PTPRM: variants seen among roughly 807,000 people sequenced by gnomAD.
PTPRM encodes receptor-type tyrosine-protein phosphatase mu.
PTPRM carries 47 observed loss-of-function variants against 186.7 expected under a neutral mutation model. The ratio of observed to expected loss-of-function variants is 0.25; its 90% CI spans 0.20 to 0.32. PTPRM has a LOEUF of 0.32. PTPRM is among the 10% of genes least tolerant of loss of function. The pLI, the probability that PTPRM is intolerant of heterozygous loss-of-function variation, is 1.00. For synonymous variants in PTPRM, 668 were observed against 674.9 expected (o/e 0.99, Z 0.16); for missense variants, 1,494 against 1,865.0 (o/e 0.80, Z 3.66).
At chr18:7,662,329 G>A (rs1435989549) in intron 1 of PTPRM, among the ~76,000 whole-genome samples, 1 of 152,192 alleles carries the variant, frequency 6.6e-6, no homozygotes, top group African/African-American at 2.4e-5. Flanking sequence ...ATCAAGAGAT[G>A]AATGGATAAA....
At chr18:8,394,014 G>A (rs554031178) in intron 31 of PTPRM, among the ~76,000 whole-genome samples, 18 of 152,094 alleles carry the variant, frequency 1.2e-4, no homozygotes, top group Non-Finnish European at 2.2e-4. Flanking sequence ...GGAAGGTCTC[G>A]ATCTCCTGAC....
intron 21 of PTPRM, among the ~76,000 whole-genome samples, chr18:8,315,502 T>A (rs1359889234): frequency 6.6e-6 from 1 of 152,216 alleles, no homozygotes; most frequent in Non-Finnish European, 1.5e-5. Context: ...GACAGCATGT[T>A]TTCAGTTGAA....
chr18:8,010,734 G>T (rs965692417), intron 7 of PTPRM, among the ~76,000 whole-genome samples: 2 of 152,060 alleles, frequency 1.3e-5, no homozygotes, highest in Non-Finnish European at 2.9e-5. Context: ...TTAAGGAGGT[G>T]GCATACTTTG....
chr18:8,143,713 G>C lies in PTPRM; in HGVS notation c.2234G>C (p.Gly745Ala). 1 of 1,613,608 alleles carries C rather than the reference G, an allele frequency of 6.2e-7. No individual in the cohort carries two copies. The highest frequency in any genetic ancestry group is 8.5e-7 in the Non-Finnish European group (1 of 1,179,508). Reference protein sequence around the residue: ...KQTDHTVKIAGVIAGILLFVI... With the variant: ...KQTDHTVKIAAVIAGILLFVI... ...ACAGACCATACAGTTAAAATTGCTGGAGTCATCGCGGGCATCTTGCTGTTC... is the reference window on the plus strand; with the variant it reads ...ACAGACCATACAGTTAAAATTGCTGCAGTCATCGCGGGCATCTTGCTGTTC... The change falls in exon 14 of 33, where the codon GGA (glycine) becomes GCA (alanine). Residue 745 changes from glycine to alanine, a missense_variant. Physicochemically the swap from Gly to Ala is moderately conservative, Grantham distance 60. This residue lies in a region of PTPRM where 1,107 missense variants were observed against 1,350.2 expected (regional missense o/e 0.82). Transcript: ENST00000580170.
intron 1 of PTPRM, among the ~76,000 whole-genome samples, chr18:7,588,081 G>C (rs2037025912): frequency 1.3e-5 from 2 of 151,994 alleles, no homozygotes; most frequent in Admixed American, 1.3e-4. Flanking sequence ...TTTCTTATTA[G>C]TCTATAGGAA....
At chr18:7,820,671 G>C (rs981783189) in intron 2 of PTPRM, among the ~76,000 whole-genome samples, 2 of 152,096 alleles carry the variant, frequency 1.3e-5, no homozygotes, top group Admixed American at 6.6e-5. Context: ...TCCCTGGAAG[G>C]TTCCAGGCCT....
chr18:8,204,120 A>C (rs2093894576), intron 14 of PTPRM, among the ~76,000 whole-genome samples: 1 of 152,192 alleles, frequency 6.6e-6, no homozygotes, highest in Non-Finnish European at 1.5e-5. Context: ...CAGAGATTGC[A>C]GACTTTAGCT....
At chr18:8,372,991 C>T (rs543276674) in intron 24 of PTPRM, among the ~76,000 whole-genome samples, 1 of 152,102 alleles carries the variant, frequency 6.6e-6, no homozygotes, top group Non-Finnish European at 1.5e-5. Flanking sequence ...CCCAGCTGCA[C>T]AGAAATGTGT....
At chr18:8,056,743 T>A (rs2087979111) in intron 7 of PTPRM, among the ~76,000 whole-genome samples, 1 of 114,586 alleles carries the variant, frequency 8.7e-6, no homozygotes, top group South Asian at 3.2e-4. Context: ...AAATGCAGCC[T>A]TTTTTAGCAA....
chr18:7,625,103 A>G (rs769267366), intron 1 of PTPRM, among the ~76,000 whole-genome samples: 1 of 152,220 alleles, frequency 6.6e-6, no homozygotes, highest in East Asian at 1.9e-4. Context: ...CAGGGAGCGT[A>G]TATATTTAGG....
intron 1 of PTPRM, among the ~76,000 whole-genome samples, chr18:7,596,339 C>T (rs894599581): frequency 6.6e-6 from 1 of 152,150 alleles, no homozygotes. Context: ...ACAGTGAGCA[C>T]TTTACAACTT....
intron 7 of PTPRM, among the ~76,000 whole-genome samples, chr18:8,050,974 T>C (rs1457107948): frequency 6.6e-6 from 1 of 152,190 alleles, no homozygotes; most frequent in Non-Finnish European, 1.5e-5. Context: ...CAGGCTGCAC[T>C]CAGGCCTGAG....
At chr18:8,218,320 C>T (rs1044915303) in intron 14 of PTPRM, among the ~76,000 whole-genome samples, 1 of 152,136 alleles carries the variant, frequency 6.6e-6, no homozygotes, top group Non-Finnish European at 1.5e-5. Flanking sequence ...TTACCAACAA[C>T]GTGACATAAT....
At chr18:8,368,804 A>G (rs1466585001) in intron 23 of PTPRM, among the ~76,000 whole-genome samples, 1 of 152,232 alleles carries the variant, frequency 6.6e-6, no homozygotes, top group East Asian at 1.9e-4. Flanking sequence ...TCAGTTTTAT[A>G]TGTATACATT....
At chr18:8,069,534 A>T in intron 7 of PTPRM, 152 bp from the exon 8 acceptor site, 1 of 721,040 alleles carries the variant, frequency 1.4e-6, no homozygotes, top group South Asian at 2.0e-5. Flanking sequence ...CTGGGTAGCC[A>T]AATGCCTAGC....
chr18:7,886,343 ACT>A (rs1264073953), intron 2 of PTPRM, among the ~76,000 whole-genome samples: 6 of 152,076 alleles, frequency 3.9e-5, no homozygotes, highest in African/African-American at 1.2e-4. Flanking sequence ...TTTCAATGAT[ACT>A]CTCGTCACTT....
chr18:7,590,789 T>A (rs2037105242), intron 1 of PTPRM, among the ~76,000 whole-genome samples: 1 of 152,246 alleles, frequency 6.6e-6, no homozygotes, highest in African/African-American at 2.4e-5. Context: ...TCTTTGGAAA[T>A]GTATGGAATA....
chr18:7,735,748 A>G (rs1423337236), intron 1 of PTPRM, among the ~76,000 whole-genome samples: 1 of 152,110 alleles, frequency 6.6e-6, no homozygotes, highest in Non-Finnish European at 1.5e-5. Context: ...GGCATTTACC[A>G]TCTATTCTTT....
chr18:7,889,495 C>T (rs1230322755), intron 3 of PTPRM, among the ~76,000 whole-genome samples: 1 of 151,852 alleles, frequency 6.6e-6, no homozygotes, highest in Non-Finnish European at 1.5e-5. Context: ...TGCCACCTGT[C>T]GGGCTAATTT....
Sources: gnomAD v4.1 joint callset for allele counts (sites outside exome capture counted in the v4.1 genomes callset) on GRCh38, gnomAD v4.1.1 for gene constraint, gnomAD v4.1.1 regional missense constraint, MANE v1.5 for transcripts, NCBI Gene and HGNC (gene_info 2026-07-23, HGNC 2026-07-21) for gene names.